The following TYW1 variants were observed in gnomAD, a reference collection of about 807,000 sequenced individuals.
The protein encoded by TYW1 is tRNA-yW synthesizing protein 1 homolog.
Under a neutral mutation model 96.2 loss-of-function variants are expected in TYW1, and 46 were observed. The ratio of observed to expected loss-of-function variants is 0.48; its 90% CI spans 0.38 to 0.61. The LOEUF (loss-of-function observed/expected upper bound fraction) is 0.61. TYW1 is among the 20% of genes least tolerant of loss of function. TYW1 has a pLI of 0.00. For missense variants in TYW1, 684 were observed against 909.6 expected, an observed-to-expected ratio of 0.75 and a Z score of 3.19; for synonymous variants, 274 against 323.0, an observed-to-expected ratio of 0.85 and a Z score of 1.63.
At chr7:67,051,381 C>T (rs1584503343) in intron 8 of TYW1, among the ~76,000 whole-genome samples, 1 of 152,166 alleles carries the variant, frequency 6.6e-6, no homozygotes, top group South Asian at 2.1e-4. Context: ...GATCATGGCT[C>T]ACTGTAGCCT....
chr7:67,149,910 C>G (rs2687023), intron 13 of TYW1, among the ~76,000 whole-genome samples: 38,535 of 150,408 alleles, frequency 0.26, 5,452 homozygotes, highest in African/African-American at 0.37. Flanking sequence ...TTTGTTCACT[C>G]TTATCTGTTG....
chr7:67,094,651 A>AGTGTGTGTGT lies in TYW1; in HGVS notation c.1385-3859_1385-3850dup, dbSNP rs56069939. Among the ~76,000 whole-genome samples, 816 of 141,684 alleles carry AGTGTGTGTGT rather than the reference A, an allele frequency of 5.8e-3. 1 individual carries two copies. Among genetic ancestry groups the AGTGTGTGTGT allele is most frequent in the East Asian group, 0.016 (74 of 4,670 alleles). 93.0% of individuals were successfully genotyped at this position (141,684 alleles called of 152,430 possible). On this transcript the variant is annotated intron_variant, in intron 11 of 15. Transcript: ENST00000359626. ...GGGAGGAAGAGAGAGAGAGAATTAG[A>AGTGTGTGTGT]GTGTGTGTGTGTGTGTGTGTGTGTG...
Position 67,238,674 on chromosome 7 carries a change from G to A in TYW1, c.*145G>A. ...GATAAGGCAGTAAACATGGAGACACGGGGGACAGCGTCCACACTCAGAGGG... is the reference window on the plus strand; with the variant it reads ...GATAAGGCAGTAAACATGGAGACACAGGGGACAGCGTCCACACTCAGAGGG... On this transcript the variant is annotated 3_prime_UTR_variant, in exon 16 of 16. Transcript: ENST00000359626. 2.8e-6 allele frequency: 4 copies of A among 1,442,924 alleles called. No homozygotes were observed. The highest frequency in any genetic ancestry group is 1.5e-5 in the South Asian group (1 of 65,912). The allele number at this position is 1,442,924 out of a possible 1,614,324, so 89.4% of individuals were successfully genotyped here.
rs1343007726 is a variant in TYW1 at position 66,996,946 on chromosome 7, C to G, written c.-33C>G. The G allele has an allele frequency of 6.2e-7, 1 of 1,614,036 alleles. No individual in the cohort carries two copies. Among genetic ancestry groups the G allele is most frequent in the East Asian group, 2.2e-5 (1 of 44,880 alleles). On this transcript the variant is annotated 5_prime_UTR_variant, in exon 1 of 16. Coordinates refer to ENST00000359626, the MANE Select transcript of TYW1 (RefSeq NM_018264.4). The stretch of plus-strand genomic sequence containing the variant: ...TGCGAATCATCGGGCTATCCAGGTC[C>G]GAGATCCTAGTCTCCTGTCGGCTCT...
chr7:67,207,604 G>C (rs943440417), intron 15 of TYW1, among the ~76,000 whole-genome samples: 1 of 148,418 alleles, frequency 6.7e-6, no homozygotes, highest in Admixed American at 6.7e-5. Context: ...GCAGAAATAA[G>C]AATATTGTTA....
intron 13 of TYW1, among the ~76,000 whole-genome samples, chr7:67,177,879 C>T (rs1799722728): frequency 6.6e-6 from 1 of 150,934 alleles, no homozygotes; most frequent in African/African-American, 2.4e-5. Context: ...TACAGCTGGG[C>T]ACGTTGGCTC....
chr7:67,189,449 GTGTGTGTT>G (rs1800139017), intron 14 of TYW1, among the ~76,000 whole-genome samples: 1 of 148,518 alleles, frequency 6.7e-6, no homozygotes, highest in Non-Finnish European at 1.5e-5. Context: ...GTATGTATGT[GTGTGTGTT>G]TGTGTTTGTG....
At chr7:67,116,795 G>C (rs1427719471) in intron 12 of TYW1, among the ~76,000 whole-genome samples, 1 of 152,194 alleles carries the variant, frequency 6.6e-6, no homozygotes, top group Non-Finnish European at 1.5e-5. Context: ...AGCGGAGAAT[G>C]AGTGGTATTC....
intron 13 of TYW1, among the ~76,000 whole-genome samples, chr7:67,128,051 C>T (rs2116037342): frequency 6.6e-6 from 1 of 152,134 alleles, no homozygotes; most frequent in East Asian, 1.9e-4. Context: ...ACTTGGTGTT[C>T]TGGGAGCCTC....
At chr7:67,126,447 A>G (rs1043586108) in intron 13 of TYW1, among the ~76,000 whole-genome samples, 1 of 152,018 alleles carries the variant, frequency 6.6e-6, no homozygotes, top group Non-Finnish European at 1.5e-5. Flanking sequence ...ATCTCTTGGC[A>G]GTGTCTTCTG....
chr7:67,060,638 A>G (rs1468266398), intron 9 of TYW1, among the ~76,000 whole-genome samples: 3 of 152,202 alleles, frequency 2.0e-5, no homozygotes, highest in Non-Finnish European at 2.9e-5. Flanking sequence ...TAATGAATCG[A>G]TACAAAAGTA....
intron 12 of TYW1, among the ~76,000 whole-genome samples, chr7:67,103,814 A>G (rs34660799): frequency 6.6e-6 from 1 of 152,242 alleles, no homozygotes; most frequent in African/African-American, 2.4e-5. Flanking sequence ...CAGCAAGTCA[A>G]CAAGTTCAGC....
chr7:67,024,905 A>G lies in TYW1; in HGVS notation c.867A>G (p.Glu289=), dbSNP rs751023447. The change falls in exon 7 of 16, where the codon GAA becomes GAG. Residue 289 remains glutamate (E), a synonymous_variant. Coordinates refer to ENST00000359626, the MANE Select transcript of TYW1 (RefSeq NM_018264.4). ...CTGAAGCATTTCTCTTCCAGGAGGA[A>G]GAACCCTTTGAGAGCTCCAGTGAAG... is the stretch of plus-strand genomic sequence containing the variant. ...DELHHRDTEE[E]EPFESSSEEE... The G allele has an allele frequency of 2.5e-6, 4 of 1,613,830 alleles. No individual in the cohort carries two copies. Among genetic ancestry groups the G allele is most frequent in the South Asian group, 1.1e-5 (1 of 91,060 alleles).
intron 3 of TYW1, among the ~76,000 whole-genome samples, chr7:67,006,438 CTTTTT>C (rs34088521): frequency 8.7e-5 from 10 of 114,762 alleles, no homozygotes; most frequent in South Asian, 8.3e-4. Context: ...TTCTTTTTTC[CTTTTT>C]TTTTTTTTTT....
At chr7:67,041,316 T>A (rs1157109299) in intron 7 of TYW1, among the ~76,000 whole-genome samples, 3 of 151,972 alleles carry the variant, frequency 2.0e-5, no homozygotes, top group Admixed American at 1.3e-4. Flanking sequence ...TTTTCTTTTC[T>A]TTTTTTTGAG....
chr7:67,030,422 G>A (rs1411620357), intron 7 of TYW1, among the ~76,000 whole-genome samples: 6 of 152,006 alleles, frequency 3.9e-5, no homozygotes, highest in South Asian at 2.1e-4. Context: ...CTGAGGTCAC[G>A]AGTTCGAGAC....
rs528254220 is a variant in TYW1, at chr7:67,109,134, C to T, written c.1563-8349C>T. On this transcript the variant is annotated intron_variant, in intron 12 of 15. Coordinates refer to ENST00000359626, the MANE Select transcript of TYW1 (RefSeq NM_018264.4). ...TAAAAATACAAAAAAATTAGCCGGG[C>T]GCAGTGGCGGGCACCTGTAGTCCCA... Among the ~76,000 whole-genome samples the T allele has an allele frequency of 1.9e-3, 285 of 151,728 alleles. 5 individuals carry two copies. In the Middle Eastern group the frequency reaches 0.051, roughly 27 times the overall value.
chr7:67,082,185 C>T (rs1563003050), intron 10 of TYW1, among the ~76,000 whole-genome samples: 1 of 151,936 alleles, frequency 6.6e-6, no homozygotes, highest in Non-Finnish European at 1.5e-5. Context: ...TGTTTTCTTG[C>T]TATTTCATGT....
chr7:67,106,280 T>C (rs1797242118), intron 12 of TYW1, among the ~76,000 whole-genome samples: 1 of 152,254 alleles, frequency 6.6e-6, no homozygotes, highest in South Asian at 2.1e-4. Flanking sequence ...GTGGCTTACT[T>C]GACTCACATT....
Sources: gnomAD v4.1 joint callset for allele counts (sites outside exome capture counted in the v4.1 genomes callset) on GRCh38, gnomAD v4.1.1 for gene constraint, MANE v1.5 for transcripts, NCBI Gene and HGNC (gene_info 2026-07-23, HGNC 2026-07-21) for gene names.